Variants in HSD17B2 observed in about 807,000 individuals in gnomAD.
The protein encoded by HSD17B2 is hydroxysteroid 17-beta dehydrogenase 2, also known as 17-beta-hydroxysteroid dehydrogenase type 2.
Under a neutral mutation model 26.9 loss-of-function variants are expected in HSD17B2, and 32 were observed. The observed-to-expected ratio is 1.19, with a 90% CI of 0.90 to 1.60. HSD17B2 has a LOEUF of 1.60. Among genes scored for constraint, HSD17B2 ranks in the 40% most tolerant of loss-of-function variants. HSD17B2 has a pLI of 0.00. For synonymous variants in HSD17B2, 246 were observed against 186.7 expected (o/e 1.32, Z -2.59); for missense variants, 613 against 468.6 (o/e 1.31, Z -2.85).
intron 1 of HSD17B2, among the ~76,000 whole-genome samples, chr16:82,046,361 T>C (rs1242518319): frequency 2.0e-5 from 3 of 152,138 alleles, no homozygotes; most frequent in Non-Finnish European, 4.4e-5. Flanking sequence ...ATGTGTCAGA[T>C]ACTGTAAGGA....
At chr16:82,053,568 C>G (rs1484476274) in intron 1 of HSD17B2, among the ~76,000 whole-genome samples, 1 of 152,128 alleles carries the variant, frequency 6.6e-6, no homozygotes, top group Non-Finnish European at 1.5e-5. Context: ...CTGAGTTCTC[C>G]ACTAGACTGT....
chr16:82,083,143 C>T (rs1904426974), intron 3 of HSD17B2, among the ~76,000 whole-genome samples: 1 of 152,184 alleles, frequency 6.6e-6, no homozygotes, highest in South Asian at 2.1e-4. Context: ...GTCAACATAA[C>T]CCATGTCTTC....
chr16:82,074,411 A>C (rs1313546581), intron 3 of HSD17B2, among the ~76,000 whole-genome samples: 1 of 152,236 alleles, frequency 6.6e-6, no homozygotes, highest in African/African-American at 2.4e-5. Flanking sequence ...ACAAGAAATC[A>C]AGTAACAATA....
chr16:82,052,563 G>C (rs544872140), intron 1 of HSD17B2: 5 of 152,338 alleles, frequency 3.3e-5, no homozygotes, highest in African/African-American at 1.2e-4. Flanking sequence ...TCTAGAGAAG[G>C]CTACACCCTG....
At chr16:82,046,239 T>A (rs1306497791) in intron 1 of HSD17B2, among the ~76,000 whole-genome samples, 1 of 151,838 alleles carries the variant, frequency 6.6e-6, no homozygotes, top group African/African-American at 2.4e-5. Flanking sequence ...GAGGAAGACA[T>A]AACACAACAA....
chr16:82,052,945 G>C (rs552001855), intron 1 of HSD17B2, among the ~76,000 whole-genome samples: 1 of 152,314 alleles, frequency 6.6e-6, no homozygotes, highest in East Asian at 1.9e-4. Flanking sequence ...CATATAGCAA[G>C]AGGGCAAGAG....
intron 1 of HSD17B2, among the ~76,000 whole-genome samples, chr16:82,051,485 A>G (rs1331555811): frequency 6.6e-6 from 1 of 151,834 alleles, no homozygotes; most frequent in East Asian, 1.9e-4. Flanking sequence ...CAAGTACCGC[A>G]TGTTCTCACT....
intron 2 of HSD17B2, 69 bp downstream of exon 2, chr16:82,068,451 C>T (rs772997353): frequency 2.3e-5 from 30 of 1,286,968 alleles, no homozygotes; most frequent in Non-Finnish European, 3.2e-5. Flanking sequence ...CCGGCTTAGG[C>T]TGAACATGCC....
At chr16:82,084,786 G>A (rs1351670501) in intron 3 of HSD17B2, among the ~76,000 whole-genome samples, 1 of 152,186 alleles carries the variant, frequency 6.6e-6, no homozygotes, top group Non-Finnish European at 1.5e-5. Flanking sequence ...AGGTTGGAGT[G>A]CAGTGGCACG....
intron 1 of HSD17B2, among the ~76,000 whole-genome samples, chr16:82,054,010 C>G (rs1239740424): frequency 2.0e-5 from 3 of 152,066 alleles, no homozygotes; most frequent in African/African-American, 7.2e-5. Context: ...TGCTGGAGTC[C>G]TTACATGATG....
chr16:82,090,236 A>T lies in HSD17B2; in HGVS notation c.665-666A>T, dbSNP rs1597139580. 4.2e-6 allele frequency: 4 copies of T among 961,874 alleles called. No individual in the cohort carries two copies. The Admixed American group carries it at 2.8e-4, about 67-fold the overall frequency. 59.6% of individuals were successfully genotyped at this position (961,874 alleles called of 1,614,324 possible). A position where few individuals can be genotyped will look rare whatever the true frequency, so the allele number is the denominator to read the frequency against. On this transcript the variant is annotated intron_variant, in intron 3 of 4. Transcript: ENST00000199936. ...ATGTTTACCAGGAACCTCAGAAGGT[A>T]TGTTGGTCAGGCTAGAAGATCAGGG...
At chr16:82,048,102 C>G (rs758951083) in intron 1 of HSD17B2, among the ~76,000 whole-genome samples, 2 of 152,182 alleles carry the variant, frequency 1.3e-5, no homozygotes, top group Non-Finnish European at 2.9e-5. Flanking sequence ...ATACAAGAAA[C>G]AGCCCAAGAT....
At chr16:82,048,829 G>A (rs1914018569) in intron 1 of HSD17B2, among the ~76,000 whole-genome samples, 1 of 152,190 alleles carries the variant, frequency 6.6e-6, no homozygotes, top group East Asian at 1.9e-4. Flanking sequence ...ATGTGACAAT[G>A]TACTGCTTGT....
At chr16:82,050,226 G>T (rs1258885241) in intron 1 of HSD17B2, among the ~76,000 whole-genome samples, 2 of 152,028 alleles carry the variant, frequency 1.3e-5, no homozygotes, top group African/African-American at 4.8e-5. Context: ...TCCCTACCTG[G>T]CCCTTGCTCA....
chr16:82,089,002 C>A (rs1904607620), intron 3 of HSD17B2, among the ~76,000 whole-genome samples: 1 of 152,062 alleles, frequency 6.6e-6, no homozygotes, highest in African/African-American at 2.4e-5. Context: ...GGGCACTAAT[C>A]CCTCTCATCA....
intron 1 of HSD17B2, among the ~76,000 whole-genome samples, chr16:82,043,972 T>C (rs924298866): frequency 6.6e-6 from 1 of 152,234 alleles, no homozygotes; most frequent in African/African-American, 2.4e-5. Flanking sequence ...TTATTTTGCA[T>C]GATTGCCCTT....
chr16:82,036,671 A>C (rs1232586380), intron 1 of HSD17B2, among the ~76,000 whole-genome samples: 2 of 152,126 alleles, frequency 1.3e-5, no homozygotes, highest in Non-Finnish European at 2.9e-5. Flanking sequence ...GCTTTCTTGA[A>C]ACAAAATGCA....
intron 1 of HSD17B2, among the ~76,000 whole-genome samples, chr16:82,042,836 G>C (rs997373104): frequency 6.6e-6 from 1 of 151,998 alleles, no homozygotes; most frequent in African/African-American, 2.4e-5. Context: ...GGCCAGGCTG[G>C]TCTCGAACTC....
chr16:82,047,599 A>T (rs954596348), intron 1 of HSD17B2, among the ~76,000 whole-genome samples: 3 of 152,174 alleles, frequency 2.0e-5, no homozygotes, highest in Non-Finnish European at 4.4e-5. Context: ...AGGCAAGAGG[A>T]TGTAGGAGAC....
Sources: allele counts gnomAD v4.1 joint callset (sites outside exome capture counted in the v4.1 genomes callset), GRCh38; gene constraint gnomAD v4.1.1; transcripts MANE v1.5; gene names NCBI Gene and HGNC (gene_info 2026-07-23, HGNC 2026-07-21).